The following THSD7B variants were observed in gnomAD, a reference collection of about 807,000 sequenced individuals.
THSD7B encodes thrombospondin type-1 domain-containing protein 7B.
THSD7B carries 138 observed loss-of-function variants against 213.6 expected under a neutral mutation model. The observed-to-expected ratio is 0.65, with a 90% CI of 0.56 to 0.74. THSD7B has a LOEUF of 0.74. THSD7B is among the 30% of genes least tolerant of loss of function. The pLI, the probability that THSD7B is intolerant of heterozygous loss-of-function variation, is 0.00. For synonymous variants in THSD7B, 742 were observed against 687.0 expected, an observed-to-expected ratio of 1.08 and a Z score of -1.25; for missense variants, 1,931 against 1,991.5, an observed-to-expected ratio of 0.97 and a Z score of 0.58.
At chr2:137,285,158 C>T (rs1330879733) in intron 12 of THSD7B, among the ~76,000 whole-genome samples, 1 of 152,076 alleles carries the variant, frequency 6.6e-6, no homozygotes, top group African/African-American at 2.4e-5. Flanking sequence ...TATGTAATGG[C>T]CTTCTTTGTC....
At chr2:137,457,776 G>T (rs1324536837) in intron 15 of THSD7B, among the ~76,000 whole-genome samples, 1 of 152,170 alleles carries the variant, frequency 6.6e-6, no homozygotes, top group African/African-American at 2.4e-5. Context: ...GACTGTATGT[G>T]TGTAAATTTT....
At chr2:136,823,123 T>C (rs1573654873) in intron 1 of THSD7B, among the ~76,000 whole-genome samples, 1 of 152,296 alleles carries the variant, frequency 6.6e-6, no homozygotes, top group East Asian at 1.9e-4. Context: ...GAAAGAGATG[T>C]GTATCATATG....
intron 12 of THSD7B, among the ~76,000 whole-genome samples, chr2:137,398,862 C>T (rs981763760): frequency 6.6e-6 from 1 of 152,228 alleles, no homozygotes; most frequent in African/African-American, 2.4e-5. Context: ...GATATAATCT[C>T]TTGGTGCACC....
Position 137,403,677 on chromosome 2 carries a change from A to G in THSD7B, c.2501-1936A>G, listed in dbSNP as rs141540860. ...AGATATTCCCTGGTTTCTCACCCAG[A>G]GATGTTGATATGGAAGATCTGAAGT... On this transcript the variant is annotated intron_variant, in intron 12 of 27. Coordinates refer to ENST00000409968, the MANE Select transcript of THSD7B (RefSeq NM_001316349.2). Among the ~76,000 whole-genome samples the G allele has an allele frequency of 4.3e-3, 650 of 152,324 alleles. 6 individuals carry two copies. The highest frequency in any genetic ancestry group is 0.015 in the African/African-American group (611 of 41,570).
At chr2:137,053,556 TG>T (rs1472197794) in intron 2 of THSD7B, among the ~76,000 whole-genome samples, 1 of 149,232 alleles carries the variant, frequency 6.7e-6, no homozygotes, top group Non-Finnish European at 1.5e-5. Flanking sequence ...TAGCTTATTT[TG>T]AAAGTGGAGA....
In THSD7B at chr2:137,563,944, A is replaced by G. The variant is rs369039282; in HGVS notation, c.3272+590A>G. On this transcript the variant is annotated intron_variant, in intron 16 of 27. Coordinates refer to ENST00000409968, the MANE Select transcript of THSD7B (RefSeq NM_001316349.2). ...TAGCAGTGTTAACCAAAGGAAATAC[A>G]TGGTCTGAGTTTGTCAAGATGGTCT... Among the ~76,000 whole-genome samples, 26 of 152,308 alleles carry G rather than the reference A, an allele frequency of 1.7e-4. No homozygotes were observed. The East Asian group carries it at 4.8e-3, about 28-fold the overall frequency.
chr2:137,119,842 T>G (rs1044685980), intron 5 of THSD7B, among the ~76,000 whole-genome samples: 1 of 152,184 alleles, frequency 6.6e-6, no homozygotes, highest in Non-Finnish European at 1.5e-5. Flanking sequence ...TCCAGGAAGT[T>G]TTTGAGTTAT....
chr2:137,176,087 A>T (rs1477641760), intron 7 of THSD7B, among the ~76,000 whole-genome samples: 2 of 152,162 alleles, frequency 1.3e-5, no homozygotes, highest in African/African-American at 4.8e-5. Context: ...TTTTAGTATA[A>T]TATTTATTTT....
At chr2:136,987,329 A>G (rs1685689328) in intron 2 of THSD7B, among the ~76,000 whole-genome samples, 1 of 152,218 alleles carries the variant, frequency 6.6e-6, no homozygotes, top group Non-Finnish European at 1.5e-5. Context: ...TCCATGGTGG[A>G]GAACCACTGG....
At chr2:137,145,236 A>G (rs1679670789) in intron 5 of THSD7B, among the ~76,000 whole-genome samples, 1 of 152,100 alleles carries the variant, frequency 6.6e-6, no homozygotes, top group Non-Finnish European at 1.5e-5. Flanking sequence ...GGAGTATCAT[A>G]TAATTAGTTG....
chr2:137,552,573 C>T (rs186801475), intron 15 of THSD7B, among the ~76,000 whole-genome samples: 1 of 152,296 alleles, frequency 6.6e-6, no homozygotes, highest in East Asian at 1.9e-4. Context: ...CTATAAAGTT[C>T]TACACTGTAT....
chr2:137,339,555 G>A (rs1299001338), intron 12 of THSD7B, among the ~76,000 whole-genome samples: 9 of 151,790 alleles, frequency 5.9e-5, no homozygotes, highest in Admixed American at 5.3e-4. Flanking sequence ...TTGTGGTTTG[G>A]AGATTTGGAA....
chr2:137,616,096 CCTA>C (rs1261908536), intron 17 of THSD7B, 76 bp from the exon 18 acceptor site: 1 of 1,417,218 alleles, frequency 7.1e-7, no homozygotes, highest in Non-Finnish European at 9.6e-7. Flanking sequence ...TACATATGTG[CCTA>C]CTTATACCTG....
At chr2:136,986,450 A>T (rs1685674010) in intron 2 of THSD7B, among the ~76,000 whole-genome samples, 1 of 152,146 alleles carries the variant, frequency 6.6e-6, no homozygotes, top group Admixed American at 6.6e-5. Context: ...GCCTTCCACC[A>T]TGATTTTAAG....
chr2:136,979,758 C>A lies in THSD7B; in HGVS notation c.140-76662C>A, dbSNP rs553990984. On this transcript the variant is annotated intron_variant, in intron 2 of 27. Coordinates refer to ENST00000409968, the MANE Select transcript of THSD7B (RefSeq NM_001316349.2). ...TTTAGCTCAGTGAAGTTCATTATTA[C>A]CTATCTCTTTCAATTCATCCATCTC... 8.5e-5 allele frequency among the ~76,000 whole-genome samples: 13 copies of A among 152,284 alleles called. 1 individual carries two copies. In the East Asian group the frequency reaches 2.5e-3, roughly 29 times the overall value.
At chr2:137,659,617 A>G in intron 24 of THSD7B, 47 bp from the exon 25 acceptor site, 1 of 1,514,054 alleles carries the variant, frequency 6.6e-7, no homozygotes. Context: ...AAAATTAGAA[A>G]TATCTAATAG....
At chr2:137,444,769 G>A (rs554443856) in intron 14 of THSD7B, among the ~76,000 whole-genome samples, 1 of 151,950 alleles carries the variant, frequency 6.6e-6, no homozygotes, top group East Asian at 1.9e-4. Context: ...TGGACAAATG[G>A]GATCACATCC....
intron 14 of THSD7B, among the ~76,000 whole-genome samples, chr2:137,423,393 A>G (rs1573616991): frequency 6.6e-6 from 1 of 152,098 alleles, no homozygotes; most frequent in Non-Finnish European, 1.5e-5. Flanking sequence ...AGAAAATACT[A>G]AGAACCACCC....
At chr2:137,232,299 G>A (rs548553569) in intron 8 of THSD7B, among the ~76,000 whole-genome samples, 1 of 152,256 alleles carries the variant, frequency 6.6e-6, no homozygotes, top group Non-Finnish European at 1.5e-5. Flanking sequence ...TCCTGCCAGG[G>A]GATAGCACAT....
Sources: gnomAD v4.1 joint callset for allele counts (sites outside exome capture counted in the v4.1 genomes callset) on GRCh38, gnomAD v4.1.1 for gene constraint, MANE v1.5 for transcripts, NCBI Gene and HGNC (gene_info 2026-07-23, HGNC 2026-07-21) for gene names.